The following USH2A variants were observed in gnomAD, a reference collection of about 807,000 sequenced individuals.
USH2A encodes usherin, also known as Usher syndrome 2A (autosomal recessive, mild).
A neutral mutation model predicts 538.9 loss-of-function variants in USH2A; 443 were observed. The ratio of observed to expected loss-of-function variants is 0.82; its 90% CI spans 0.76 to 0.89. USH2A has a LOEUF of 0.89. USH2A is among the 40% of genes least tolerant of loss of function. USH2A has a pLI of 0.00. For synonymous variants in USH2A, 2,413 were observed against 2,273.5 expected (o/e 1.06, Z -1.75); for missense variants, 6,633 against 6,324.8 (o/e 1.05, Z -1.65).
chr1:216,198,546 T>G lies in USH2A; in HGVS notation c.3850A>C (p.Arg1284=), dbSNP rs766806107. The change falls in exon 18 of 72, where the codon AGA becomes CGA. Residue 1284 remains arginine, a synonymous_variant. Coordinates refer to ENST00000307340, the MANE Select transcript of USH2A (RefSeq NM_206933.4). ...IRYELYMRRL[R]STKETTSEES... Reference sequence around the variant, plus strand: ...TCAGATGTGGTTTCTTTAGTAGATCTCAGTCTTCTCATGTATAGTTCATAT... The same window carrying G: ...TCAGATGTGGTTTCTTTAGTAGATCGCAGTCTTCTCATGTATAGTTCATAT... The G allele has an allele frequency of 6.2e-7, 1 of 1,613,658 alleles. No individual in the cohort carries two copies. The highest frequency in any genetic ancestry group is 1.7e-5 in the Admixed American group (1 of 60,010).
chr1:215,641,107 A>G (rs1656672307), intron 67 of USH2A, among the ~76,000 whole-genome samples: 1 of 152,210 alleles, frequency 6.6e-6, no homozygotes, highest in African/African-American at 2.4e-5. Context: ...TTTAACAGGT[A>G]AAGTATCCTT....
Position 215,674,246 on chromosome 1 carries a change from T to C in USH2A, c.13665A>G (p.Pro4555=). Residue 4555 remains proline (P), a synonymous_variant, in exon 63 of 72, where the codon CCA becomes CCG. Transcript: ENST00000307340. ...TGATGATATCACCATTTGTTCTCAC[T>C]GGAGGGTCCCAGTTCACTAAGATCT... ...PQEILVNWDP[P]VRTNGDIINY... The C allele has an allele frequency of 6.2e-7, 1 of 1,614,196 alleles. No homozygotes were observed. The highest frequency in any genetic ancestry group is 8.5e-7 in the Non-Finnish European group (1 of 1,180,016).
intron 61 of USH2A, among the ~76,000 whole-genome samples, chr1:215,714,761 C>G (rs1285389957): frequency 6.6e-6 from 1 of 152,124 alleles, no homozygotes; most frequent in East Asian, 1.9e-4. Flanking sequence ...GACCAAAAAG[C>G]TTGGAGGATT....
chr1:215,697,763 T>C (rs952220034), intron 61 of USH2A, among the ~76,000 whole-genome samples: 14 of 152,156 alleles, frequency 9.2e-5, no homozygotes, highest in African/African-American at 3.1e-4. Flanking sequence ...TCAGGTGATC[T>C]GCCCACTTCG....
chr1:216,277,025 A>G (rs1203393181), intron 11 of USH2A, among the ~76,000 whole-genome samples: 1 of 152,140 alleles, frequency 6.6e-6, no homozygotes, highest in Non-Finnish European at 1.5e-5. Context: ...ATATCTATCT[A>G]TATCTACCTA....
intron 15 of USH2A, among the ~76,000 whole-genome samples, chr1:216,215,645 T>C (rs191002658): frequency 7.2e-5 from 11 of 152,190 alleles, no homozygotes; most frequent in Admixed American, 6.6e-4. Flanking sequence ...TTACACAGTG[T>C]TTCAAAAATT....
At chr1:216,193,319 G>A (rs910479218) in intron 19 of USH2A, among the ~76,000 whole-genome samples, 5 of 152,034 alleles carry the variant, frequency 3.3e-5, no homozygotes, top group African/African-American at 1.2e-4. Flanking sequence ...TATGCCAGTT[G>A]TGTATTCATC....
At chr1:215,663,444 T>C (rs1657506992) in intron 64 of USH2A, among the ~76,000 whole-genome samples, 1 of 152,162 alleles carries the variant, frequency 6.6e-6, no homozygotes, top group Non-Finnish European at 1.5e-5. Flanking sequence ...ACAGGAAGGG[T>C]GTGAGCATCC....
At position 215,674,481 on chromosome 1, in the gene USH2A, T is replaced by C. The variant is rs921800139; in HGVS notation, c.13430A>G (p.Tyr4477Cys). 3 of 1,614,072 alleles carry C rather than the reference T, an allele frequency of 1.9e-6. No individual in the cohort carries two copies. The highest frequency in any genetic ancestry group is 2.7e-5 in the African/African-American group (2 of 74,938). The change falls in exon 63 of 72, where the codon TAT becomes TGT. Residue 4477 changes from tyrosine (Y) to cysteine (C), a missense_variant. Transcript: ENST00000307340. ...AATGGTTCCATCCCTCCTAAGTTCA[T>C]AACTTCTGATCTGGCCATTTGGGTT... ...PRNPNGQIRS[Y>C]ELRRDGTIVY...
At chr1:216,349,898 T>C (rs2038246920) in intron 4 of USH2A, among the ~76,000 whole-genome samples, 1 of 152,200 alleles carries the variant, frequency 6.6e-6, no homozygotes, top group Non-Finnish European at 1.5e-5. Context: ...TATTAGTCTA[T>C]TCTTGCTTTG....
At chr1:216,050,564 C>CTTT in intron 30 of USH2A, among the ~76,000 whole-genome samples, 1 of 29,750 alleles carries the variant, frequency 3.4e-5, no homozygotes, top group Non-Finnish European at 7.0e-5. Context: ...GTATCTTTTT[C>CTTT]TTTCTTTCTT....
rs190224823 is a variant in USH2A at position 216,224,252 on chromosome 1, G to A, written c.2994-6702C>T. On this transcript the variant is annotated intron_variant, in intron 14 of 71. Coordinates refer to ENST00000307340, the MANE Select transcript of USH2A (RefSeq NM_206933.4). ...ATGGGGGAGAGTAGTCATAGTCACA[G>A]GTCAACTTGAGGACAGTGCCAGTAA... Among the ~76,000 whole-genome samples, 15 of 152,260 alleles carry A rather than the reference G, an allele frequency of 9.9e-5. No homozygotes were observed. The East Asian group carries it at 2.9e-3, about 29-fold the overall frequency.
intron 30 of USH2A, among the ~76,000 whole-genome samples, chr1:216,058,184 T>TAAAATTAAA (rs2031048808): frequency 6.7e-6 from 1 of 150,102 alleles, no homozygotes; most frequent in Admixed American, 6.6e-5. Context: ...GTCTCGCCTA[T>TAAAATTAAA]GAACATCCCG....
intron 47 of USH2A, among the ~76,000 whole-genome samples, chr1:215,829,723 G>A (rs995069694): frequency 6.6e-6 from 1 of 152,186 alleles, no homozygotes; most frequent in Non-Finnish European, 1.5e-5. Context: ...TTAATGGCTT[G>A]GCAGCCTATA....
chr1:215,633,679 C>T (rs80024167), intron 70 of USH2A, among the ~76,000 whole-genome samples: 4,386 of 152,222 alleles, frequency 0.029, 138 homozygotes, highest in African/African-American at 0.079. Flanking sequence ...CTCAGGGAGA[C>T]GTAGCCCTGT....
intron 9 of USH2A, among the ~76,000 whole-genome samples, chr1:216,314,433 C>G (rs988653805): frequency 3.3e-5 from 5 of 151,708 alleles, no homozygotes; most frequent in Admixed American, 1.3e-4. Context: ...AATTTACTAG[C>G]ATTACAATAA....
intron 41 of USH2A, among the ~76,000 whole-genome samples, chr1:215,881,012 AG>A (rs1664891061): frequency 6.6e-6 from 1 of 152,332 alleles, no homozygotes; most frequent in African/African-American, 2.4e-5. Flanking sequence ...AGGCTGAGGC[AG>A]GAGAGTTGCT....
Position 215,639,238 on chromosome 1 carries a change from G to A in USH2A, c.14969C>T (p.Thr4990Ile), listed in dbSNP as rs748417644. The A allele has an allele frequency of 3.7e-6, 6 of 1,614,074 alleles. No individual in the cohort carries two copies. In the South Asian group the frequency reaches 6.6e-5, roughly 18 times the overall value. Residue 4990 changes from threonine (T) to isoleucine (I), a missense_variant and splice_region_variant, in exon 69 of 72, where the codon ACC (threonine) becomes ATC (isoleucine). Coordinates refer to ENST00000307340, the MANE Select transcript of USH2A (RefSeq NM_206933.4). ...TLYIPRTADK[T>I]FFFQVICTTD... is the part of the protein sequence containing the mutation. ...CGTGCAGATGACCTGGAAAAAGAAG[G>A]CTAGACAAAAGGAAGAACTGGTAAA... is the stretch of plus-strand genomic sequence containing the variant.
chr1:215,798,961 T>C lies in USH2A; in HGVS notation c.9904A>G (p.Asn3302Asp), dbSNP rs537959571. 1 of 1,614,146 alleles carries C rather than the reference T, an allele frequency of 6.2e-7. No homozygotes were observed. The highest frequency in any genetic ancestry group is 1.1e-5 in the South Asian group (1 of 91,086). ...QKCCGRQIVS[N>D]DLECCGGEEG... ...TCTCCACCACAACACTCTAAATCGT[T>C]GCTCACAATCTGTCTGCCACAGCAC... The change falls in exon 50 of 72, where the codon AAC (asparagine) becomes GAC (aspartate). Residue 3302 changes from asparagine to aspartate, a missense_variant. Asn to Asp is a conservative substitution (Grantham distance 23, BLOSUM62 1). Transcript: ENST00000307340.
Sources: gnomAD v4.1 joint callset for allele counts (sites outside exome capture counted in the v4.1 genomes callset) on GRCh38, gnomAD v4.1.1 for gene constraint, MANE v1.5 for transcripts, NCBI Gene and HGNC (gene_info 2026-07-23, HGNC 2026-07-21) for gene names.